The following PCDH15 variants were observed in gnomAD, a reference collection of about 807,000 sequenced individuals.
The protein encoded by PCDH15 is protocadherin-15.
A neutral mutation model predicts 178.5 loss-of-function variants in PCDH15; 129 were observed. That is an observed-to-expected ratio of 0.72 (90% CI 0.63 to 0.84). The LOEUF is 0.84. PCDH15 is among the 40% of genes least tolerant of loss of function. PCDH15 has a pLI of 0.00. For synonymous variants in PCDH15, 800 were observed against 732.0 expected, an observed-to-expected ratio of 1.09 and a Z score of -1.50; for missense variants, 2,230 against 2,099.9, an observed-to-expected ratio of 1.06 and a Z score of -1.21.
At chr10:55,262,857 A>G (rs1205261450) in intron 1 of PCDH15, among the ~76,000 whole-genome samples, 1 of 152,172 alleles carries the variant, frequency 6.6e-6, no homozygotes, top group Non-Finnish European at 1.5e-5. Context: ...CACTAACACA[A>G]GCTGCCTATA....
intron 3 of PCDH15, among the ~76,000 whole-genome samples, chr10:54,858,648 T>C (rs1953783320): frequency 6.6e-6 from 1 of 152,120 alleles, no homozygotes. Flanking sequence ...GCATATATAA[T>C]CTTCACATTG....
intron 2 of PCDH15, among the ~76,000 whole-genome samples, chr10:54,561,565 T>C (rs1056783221): frequency 6.6e-6 from 1 of 152,082 alleles, no homozygotes; most frequent in Non-Finnish European, 1.5e-5. Context: ...CAATCAGCAG[T>C]GGTGATAACT....
chr10:54,870,819 AT>A (rs1312294399), intron 3 of PCDH15, among the ~76,000 whole-genome samples: 11 of 142,978 alleles, frequency 7.7e-5, no homozygotes, highest in Non-Finnish European at 1.6e-4. Context: ...TAAAAAAAAA[AT>A]CCACGGAAAA....
intron 1 of PCDH15, among the ~76,000 whole-genome samples, chr10:54,797,315 C>A (rs1033973830): frequency 9.9e-5 from 15 of 151,958 alleles, no homozygotes; most frequent in African/African-American, 2.7e-4. Flanking sequence ...AGAAATGCTT[C>A]ATTTTCTTTA....
chr10:53,867,041 C>T (rs963558736), intron 26 of PCDH15, among the ~76,000 whole-genome samples, 184 bp from the exon 27 acceptor site: 6 of 151,918 alleles, frequency 3.9e-5, no homozygotes, highest in African/African-American at 1.2e-4. Flanking sequence ...TCCACAGTTT[C>T]GAATGGTTGC....
chr10:53,956,356 G>C (rs540339170), intron 23 of PCDH15, among the ~76,000 whole-genome samples: 8 of 152,062 alleles, frequency 5.3e-5, no homozygotes, highest in African/African-American at 1.9e-4. Flanking sequence ...TTTCCTCAAT[G>C]GTCTTCAAAA....
At chr10:54,398,120 C>T (rs12773722) in intron 3 of PCDH15, among the ~76,000 whole-genome samples, 8,519 of 151,872 alleles carry the variant, frequency 0.056, 280 homozygotes, top group Admixed American at 0.098. Flanking sequence ...GACTATCAGA[C>T]TTATTTCCAT....
intron 2 of PCDH15, among the ~76,000 whole-genome samples, chr10:54,917,807 T>C (rs928265270): frequency 6.6e-6 from 1 of 152,190 alleles, no homozygotes; most frequent in African/African-American, 2.4e-5. Flanking sequence ...CTGTGTTTCC[T>C]TGACAAATTT....
At chr10:54,523,936 A>G (rs2083129513) in intron 3 of PCDH15, among the ~76,000 whole-genome samples, 1 of 152,176 alleles carries the variant, frequency 6.6e-6, no homozygotes, top group Non-Finnish European at 1.5e-5. Context: ...GGTAAAATCT[A>G]AGACCTCAAG....
intron 2 of PCDH15, among the ~76,000 whole-genome samples, chr10:55,524,886 C>T (rs1288359595): frequency 6.6e-6 from 1 of 151,680 alleles, no homozygotes; most frequent in Admixed American, 6.6e-5. Flanking sequence ...TGCATGAAAA[C>T]ATTTTCTAAT....
At chr10:54,690,629 T>C (rs186837638) in intron 1 of PCDH15, among the ~76,000 whole-genome samples, 2 of 152,216 alleles carry the variant, frequency 1.3e-5, no homozygotes, top group Admixed American at 6.5e-5. Context: ...CTATATTTTT[T>C]ATAGTTATTT....
At chr10:53,944,294 C>T (rs536119190) in intron 23 of PCDH15, among the ~76,000 whole-genome samples, 16 of 152,144 alleles carry the variant, frequency 1.1e-4, no homozygotes, top group East Asian at 1.9e-4. Flanking sequence ...TGTCAGTTTA[C>T]GATTTTTAAA....
chr10:55,284,636 C>T (rs994927242), intron 1 of PCDH15, among the ~76,000 whole-genome samples: 2 of 151,866 alleles, frequency 1.3e-5, no homozygotes, highest in Admixed American at 1.3e-4. Flanking sequence ...CTGTATTTAC[C>T]ATAGTAAAAA....
intron 2 of PCDH15, among the ~76,000 whole-genome samples, chr10:54,561,931 C>T (rs558746854): frequency 2.0e-5 from 3 of 149,854 alleles, no homozygotes; most frequent in East Asian, 1.9e-4. Flanking sequence ...ATCTGCCCAC[C>T]TTGGCCTCCC....
chr10:53,828,957 G>T (rs1016023255), intron 30 of PCDH15, among the ~76,000 whole-genome samples: 7 of 152,122 alleles, frequency 4.6e-5, no homozygotes, highest in Non-Finnish European at 8.8e-5. Flanking sequence ...AATGGAGAGA[G>T]GTAGCAAGCC....
intron 2 of PCDH15, among the ~76,000 whole-genome samples, chr10:55,458,911 A>C: frequency 6.6e-6 from 1 of 152,076 alleles, no homozygotes; most frequent in East Asian, 1.9e-4. Flanking sequence ...CTACTCAAAA[A>C]GTTTATAACT....
chr10:54,650,473 A>C (rs2135180422), intron 2 of PCDH15, among the ~76,000 whole-genome samples: 1 of 152,284 alleles, frequency 6.6e-6, no homozygotes, highest in African/African-American at 2.4e-5. Flanking sequence ...TTAATTAATA[A>C]ATTCTAAATA....
intron 18 of PCDH15, among the ~76,000 whole-genome samples, chr10:54,025,112 A>T (rs945202880): frequency 6.6e-6 from 1 of 152,174 alleles, no homozygotes; most frequent in Non-Finnish European, 1.5e-5. Context: ...GAATGGCTCA[A>T]TTTGACTGAT....
At chr10:54,711,050 A>G (rs1274341544) in intron 1 of PCDH15, among the ~76,000 whole-genome samples, 3 of 151,936 alleles carry the variant, frequency 2.0e-5, no homozygotes, top group Non-Finnish European at 4.4e-5. Context: ...TCTATTTAGC[A>G]ATGTTTTAGG....
Sources: gnomAD v4.1 joint callset for allele counts (sites outside exome capture counted in the v4.1 genomes callset) on GRCh38, gnomAD v4.1.1 for gene constraint, MANE v1.5 for transcripts, NCBI Gene and HGNC (gene_info 2026-07-23, HGNC 2026-07-21) for gene names.